Variants in PCDH17 observed in about 807,000 individuals in gnomAD.
PCDH17 encodes the protein protocadherin 17, also known as protocadherin-17.
A neutral mutation model predicts 67.7 loss-of-function variants in PCDH17; 21 were observed. The observed-to-expected ratio is 0.31, with a 90% confidence interval of 0.22 to 0.45. The LOEUF (loss-of-function observed/expected upper bound fraction) is 0.45. Among genes scored for constraint, PCDH17 ranks in the 20% least tolerant of loss-of-function variants. The pLI is 1.00. For synonymous variants in PCDH17, 701 were observed against 656.7 expected, an observed-to-expected ratio of 1.07 and a Z score of -1.03; for missense variants, 1,471 against 1,564.8, an observed-to-expected ratio of 0.94 and a Z score of 1.01.
At chr13:57,683,322 T>C (rs1361976114) in intron 3 of PCDH17, among the ~76,000 whole-genome samples, 1 of 151,834 alleles carries the variant, frequency 6.6e-6, no homozygotes, top group Non-Finnish European at 1.5e-5. Context: ...AGTTGGGCTG[T>C]TAAGTAGTAT....
intron 1 of PCDH17, among the ~76,000 whole-genome samples, chr13:57,658,652 A>G (rs151151640): frequency 6.6e-6 from 1 of 152,304 alleles, no homozygotes; most frequent in African/African-American, 2.4e-5. Context: ...ACATCTGTGA[A>G]ATGAATGCAT....
At chr13:57,652,172 G>A (rs562016235) in intron 1 of PCDH17, among the ~76,000 whole-genome samples, 2 of 151,598 alleles carry the variant, frequency 1.3e-5, no homozygotes, top group Non-Finnish European at 2.9e-5. Context: ...CACCTACTCG[G>A]GAGGCTGAGG....
intron 3 of PCDH17, among the ~76,000 whole-genome samples, chr13:57,716,717 C>T (rs76075089): frequency 6.6e-6 from 1 of 151,898 alleles, no homozygotes; most frequent in East Asian, 1.9e-4. Flanking sequence ...AGTTTAAACT[C>T]ATCGGTAAAG....
intron 1 of PCDH17, among the ~76,000 whole-genome samples, chr13:57,642,773 A>G (rs1954920891): frequency 6.6e-6 from 1 of 151,588 alleles, no homozygotes; most frequent in Non-Finnish European, 1.5e-5. Flanking sequence ...AAATTCCAAT[A>G]ATTTGCTTTG....
chr13:57,669,581 C>T (rs1430484087), intron 3 of PCDH17, among the ~76,000 whole-genome samples: 1 of 152,056 alleles, frequency 6.6e-6, no homozygotes, highest in African/African-American at 2.4e-5. Flanking sequence ...GAGGAGACTA[C>T]AATTTATTGA....
At chr13:57,700,743 A>T (rs1487366273) in intron 3 of PCDH17, among the ~76,000 whole-genome samples, 1 of 152,098 alleles carries the variant, frequency 6.6e-6, no homozygotes, top group East Asian at 1.9e-4. Context: ...TATTAATGTG[A>T]CTGTCATTCT....
At chr13:57,631,697 C>G (rs1593883988), upstream of PCDH17, 2 of 152,378 alleles carry the variant, frequency 1.3e-5, no homozygotes, top group African/African-American at 4.8e-5. Context: ...AGGGAGGAGC[C>G]TGGTGGGGAG....
At chr13:57,671,548 G>A (rs555819118) in intron 3 of PCDH17, among the ~76,000 whole-genome samples, 3 of 151,916 alleles carry the variant, frequency 2.0e-5, no homozygotes, top group East Asian at 1.9e-4. Flanking sequence ...TCCATTAGAA[G>A]CCCTGTAAAT....
Position 57,635,058 on chromosome 13 carries a change from G to A in PCDH17, c.2512G>A (p.Gly838Arg), listed in dbSNP as rs1485429803. The stretch of plus-strand genomic sequence containing the variant: ...CGCGGGCTGCCACACCAGCTTCACC[G>A]GACAAGGGACTAATGCAAGCGAGAC... The part of the protein sequence containing the change: ...GHAGCHTSFT[G>R]QGTNASETPA... Residue 838 changes from glycine to arginine, a missense_variant, in exon 1 of 4, where the codon GGA becomes AGA. Transcript: ENST00000377918. 6.2e-7 allele frequency: 1 copy of A among 1,613,526 alleles called. No homozygotes were observed. Among genetic ancestry groups the A allele is most frequent in the Non-Finnish European group, 8.5e-7 (1 of 1,180,020 alleles).
intron 3 of PCDH17, among the ~76,000 whole-genome samples, chr13:57,685,355 A>G (rs1336910969): frequency 6.6e-6 from 1 of 151,966 alleles, no homozygotes; most frequent in African/African-American, 2.4e-5. Flanking sequence ...TCAAAATGCT[A>G]TACATTCTTT....
chr13:57,673,261 C>T (rs1955346220), intron 3 of PCDH17, among the ~76,000 whole-genome samples: 2 of 151,976 alleles, frequency 1.3e-5, no homozygotes, highest in African/African-American at 2.4e-5. Flanking sequence ...CCAGTAAAAC[C>T]TGTTTAATCC....
At chr13:57,698,957 A>C (rs566069156) in intron 3 of PCDH17, among the ~76,000 whole-genome samples, 5 of 152,190 alleles carry the variant, frequency 3.3e-5, no homozygotes, top group African/African-American at 1.2e-4. Context: ...AACCGACTTG[A>C]CATCTTTTTT....
intron 3 of PCDH17, among the ~76,000 whole-genome samples, chr13:57,717,385 G>T (rs1336903433): frequency 2.0e-5 from 3 of 151,866 alleles, no homozygotes; most frequent in African/African-American, 7.3e-5. Flanking sequence ...ATTTCAATTT[G>T]TCTTAAGTTC....
intron 1 of PCDH17, among the ~76,000 whole-genome samples, chr13:57,652,797 C>T (rs2062731984): frequency 1.3e-5 from 2 of 152,088 alleles, no homozygotes; most frequent in African/African-American, 2.4e-5. Flanking sequence ...AGTTCTTGCT[C>T]TTATACCACC....
At chr13:57,648,427 A>G (rs532187708) in intron 1 of PCDH17, among the ~76,000 whole-genome samples, 1 of 152,116 alleles carries the variant, frequency 6.6e-6, no homozygotes, top group Non-Finnish European at 1.5e-5. Context: ...TTTAGCTGCC[A>G]TTTTGGACAA....
In PCDH17 at chr13:57,725,507, A is replaced by G; in HGVS notation, c.*213A>G. ...ATGGTTTCGTTTTGACCAAACTTGT[A>G]TTAGGACAGAATTAATGATGCTTAA... On this transcript the variant is annotated 3_prime_UTR_variant, in exon 4 of 4. Coordinates refer to ENST00000377918, the MANE Select transcript of PCDH17 (RefSeq NM_001040429.3). 1.4e-5 allele frequency: 7 copies of G among 503,670 alleles called. No homozygotes were observed. The highest frequency in any genetic ancestry group is 3.1e-5 in the East Asian group (1 of 32,390). The allele number at this position is 503,670 out of a possible 1,614,324, so 31.2% of individuals were successfully genotyped here.
At chr13:57,695,258 T>A (rs566754942) in intron 3 of PCDH17, among the ~76,000 whole-genome samples, 2 of 151,414 alleles carry the variant, frequency 1.3e-5, no homozygotes, top group Admixed American at 6.6e-5. Context: ...ATTTACATTT[T>A]AAAATATTAA....
chr13:57,634,933 T>G lies in PCDH17; in HGVS notation c.2387T>G (p.Met796Arg), dbSNP rs918260135. Residue 796 changes from methionine (M) to arginine (R), a missense_variant, in exon 1 of 4, where the codon ATG (methionine) becomes AGG (arginine). Physicochemically the swap from Met to Arg is moderately conservative, Grantham distance 91 (BLOSUM62 -1). Coordinates refer to ENST00000377918, the MANE Select transcript of PCDH17 (RefSeq NM_001040429.3). This position sits in a 1 kb window ranked among gnomAD's most constrained non-coding sequence, Gnocchi z 7.8. Reference sequence around the variant, plus strand: ...AGCCCCTCCCTGGCCACCTCCCCCATGTACTTCGACTACCAGACCCGCCTG... The same window carrying G: ...AGCCCCTCCCTGGCCACCTCCCCCAGGTACTTCGACTACCAGACCCGCCTG... ...VSSPSLATSPMYFDYQTRLPL... is the reference protein window; with the variant it reads ...VSSPSLATSPRYFDYQTRLPL... 1.2e-6 allele frequency: 2 copies of G among 1,613,732 alleles called. No homozygotes were observed. Among genetic ancestry groups the G allele is most frequent in the Non-Finnish European group, 1.7e-6 (2 of 1,179,962 alleles).
At position 57,724,994 on chromosome 13, in the gene PCDH17, A is replaced by G; in HGVS notation, c.3180A>G (p.Lys1060=). 1 of 1,614,118 alleles carries G rather than the reference A, an allele frequency of 6.2e-7. No homozygotes were observed. Among genetic ancestry groups the G allele is most frequent in the Non-Finnish European group, 8.5e-7 (1 of 1,180,020 alleles). Residue 1060 remains lysine (K), a synonymous_variant, in exon 4 of 4, where the codon AAA becomes AAG. Coordinates refer to ENST00000377918, the MANE Select transcript of PCDH17 (RefSeq NM_001040429.3). ...GCTCCCTGGATGGCTGTGAAGCAAA[A>G]CCAGGAGCCCTGGCTGAAGCAAGCA... The part of the protein sequence containing the change: ...TKGSLDGCEA[K]PGALAEASSQ...
Sources: gnomAD v4.1 joint callset for allele counts (sites outside exome capture counted in the v4.1 genomes callset) on GRCh38, gnomAD v4.1.1 for gene constraint, Gnocchi (gnomAD v3.1) non-coding constraint, MANE v1.5 for transcripts, NCBI Gene and HGNC (gene_info 2026-07-23, HGNC 2026-07-21) for gene names.